Variants in DAB1 observed in about 807,000 individuals in gnomAD.
DAB1 encodes disabled homolog 1.
A neutral mutation model predicts 64.6 loss-of-function variants in DAB1; 15 were observed. The ratio of observed to expected loss-of-function variants is 0.23; its 90% CI spans 0.16 to 0.36. The LOEUF (loss-of-function observed/expected upper bound fraction) is 0.36, where lower values mean the gene tolerates loss of function less well. Ranked by LOEUF, DAB1 falls within the 10% of genes least tolerant of loss-of-function variation. The probability of loss-of-function intolerance (pLI) is 1.00; values close to 1 mark genes in which losing one functional copy is unlikely to be tolerated. For missense variants in DAB1, 596 were observed against 706.7 expected, an observed-to-expected ratio of 0.84 and a Z score of 1.78; for synonymous variants, 235 against 251.9, an observed-to-expected ratio of 0.93 and a Z score of 0.64.
At chr1:58,279,673 C>T (rs1016549145) in intron 4 of DAB1, among the ~76,000 whole-genome samples, 1 of 152,136 alleles carries the variant, frequency 6.6e-6, no homozygotes, top group Non-Finnish European at 1.5e-5. Flanking sequence ...AGGGAAACCT[C>T]AAAGGCCTAT....
At chr1:57,972,286 A>T (rs988195752) in intron 5 of DAB1, among the ~76,000 whole-genome samples, 6 of 152,126 alleles carry the variant, frequency 3.9e-5, no homozygotes, top group African/African-American at 1.4e-4. Flanking sequence ...GTCCAGGCTG[A>T]AGTGTAGTTG....
chr1:57,354,601 G>A (rs753684496), intron 1 of DAB1, among the ~76,000 whole-genome samples: 29 of 152,132 alleles, frequency 1.9e-4, no homozygotes, highest in Middle Eastern at 6.8e-3. Flanking sequence ...TCTAAACAGT[G>A]GCAGCAAACA....
rs148787094 is a variant in DAB1, at chr1:58,053,786, G to C, written n.387+96725C>G. On this transcript the variant is annotated intron_variant and non_coding_transcript_variant, in intron 5 of 20. Transcript: ENST00000485760. ...TAGTTATGGCAGAGAACCCCAATCT[G>C]TATACTTACATTTAAATAACTCTGT... 4.5e-3 allele frequency among the ~76,000 whole-genome samples: 679 copies of C among 152,240 alleles called. 7 individuals are homozygous for C. Among genetic ancestry groups the C allele is most frequent in the African/African-American group, 0.015 (636 of 41,548 alleles).
chr1:57,781,086 TTCTCTCTCTCTC>T (rs1180662610), intron 6 of DAB1, among the ~76,000 whole-genome samples: 103 of 42,060 alleles, frequency 2.4e-3, no homozygotes, highest in Non-Finnish European at 3.8e-3. Context: ...TTTGAGATCA[TTCTCTCTCTCTC>T]TCTCTCTCTC....
rs11808384 is a variant in DAB1 at position 58,528,614 on chromosome 1, T to A, written n.33-1279A>T. Among the ~76,000 whole-genome samples the A allele has an allele frequency of 6.9e-3, 1,051 of 152,284 alleles. 11 individuals carry two copies. The highest frequency in any genetic ancestry group is 0.024 in the African/African-American group (1,000 of 41,556). The stretch of plus-strand genomic sequence containing the variant: ...GGGTCAGAAATGCTACTAAACATCC[T>A]ACAGTGCACAGGACAACTCCCCCAC... On this transcript the variant is annotated intron_variant and non_coding_transcript_variant, in intron 1 of 20. Coordinates refer to the DAB1 transcript ENST00000485760.
intron 2 of DAB1, among the ~76,000 whole-genome samples, chr1:57,248,359 A>G (rs1001825392): frequency 3.9e-5 from 6 of 152,142 alleles, no homozygotes; most frequent in Non-Finnish European, 7.4e-5. Flanking sequence ...GTACATTTTT[A>G]TGACAGTGGC....
intron 7 of DAB1, among the ~76,000 whole-genome samples, chr1:57,493,320 A>G (rs1025955233): frequency 1.3e-5 from 2 of 151,948 alleles, no homozygotes; most frequent in Admixed American, 6.6e-5. Context: ...CCTGGTACCA[A>G]CCATTCTACT....
intron 2 of DAB1, among the ~76,000 whole-genome samples, chr1:57,289,714 C>T (rs971148476): frequency 1.3e-5 from 2 of 152,024 alleles, no homozygotes; most frequent in African/African-American, 4.8e-5. Flanking sequence ...AAATCACTGC[C>T]TATACAAAGA....
intron 6 of DAB1, among the ~76,000 whole-genome samples, chr1:57,804,865 C>T (rs556362258): frequency 6.6e-6 from 1 of 152,252 alleles, no homozygotes; most frequent in South Asian, 2.1e-4. Flanking sequence ...CCCGAGGAAA[C>T]TTTATTTGCT....
chr1:57,419,485 T>C (rs1204901514), intron 1 of DAB1, among the ~76,000 whole-genome samples: 1 of 144,786 alleles, frequency 6.9e-6, no homozygotes, highest in East Asian at 1.9e-4. Flanking sequence ...TAAGGAAATA[T>C]TTCCAATTAA....
intron 5 of DAB1, among the ~76,000 whole-genome samples, chr1:58,121,010 T>C (rs1345295094): frequency 1.3e-5 from 2 of 152,140 alleles, no homozygotes; most frequent in Admixed American, 6.5e-5. Flanking sequence ...ATTAGGGACT[T>C]TGAAAAACAT....
At chr1:58,281,033 C>T (rs1379865660) in intron 4 of DAB1, among the ~76,000 whole-genome samples, 2 of 152,010 alleles carry the variant, frequency 1.3e-5, no homozygotes, top group Admixed American at 6.6e-5. Flanking sequence ...GTGAAATGGG[C>T]ACAGCTTGTG....
chr1:57,584,237 T>C (rs765882323), intron 7 of DAB1, among the ~76,000 whole-genome samples: 12 of 152,220 alleles, frequency 7.9e-5, no homozygotes, highest in Non-Finnish European at 2.9e-5. Flanking sequence ...CCCTTTTTTT[T>C]GTCTATAAAT....
At chr1:58,396,622 G>A (rs1469508582) in intron 3 of DAB1, among the ~76,000 whole-genome samples, 1 of 151,988 alleles carries the variant, frequency 6.6e-6, no homozygotes, top group African/African-American at 2.4e-5. Context: ...GACAAAGAGA[G>A]AAGCAGAGAG....
At chr1:58,355,191 AAC>A (rs1174594596) in intron 3 of DAB1, among the ~76,000 whole-genome samples, 1 of 152,184 alleles carries the variant, frequency 6.6e-6, no homozygotes, top group African/African-American at 2.4e-5. Context: ...GAGGGAAGCA[AAC>A]ACACAACTCA....
At chr1:58,034,259 C>T (rs1647012590) in intron 5 of DAB1, among the ~76,000 whole-genome samples, 1 of 152,212 alleles carries the variant, frequency 6.6e-6, no homozygotes, top group Admixed American at 6.5e-5. Flanking sequence ...CTGAGGGAAA[C>T]CTCTAGCCAA....
intron 5 of DAB1, among the ~76,000 whole-genome samples, chr1:58,095,520 T>G (rs111987646): frequency 7.0e-4 from 106 of 152,312 alleles, no homozygotes; most frequent in African/African-American, 2.3e-3. Context: ...CTTCCCATCA[T>G]TTGTTTCTGT....
chr1:57,129,389 C>A (rs1657446679), intron 4 of DAB1, among the ~76,000 whole-genome samples: 2 of 151,910 alleles, frequency 1.3e-5, no homozygotes, highest in Admixed American at 1.3e-4. Flanking sequence ...ACACAGAGAC[C>A]CAATTTTTCC....
At chr1:58,222,939 T>C (rs566827958) in intron 4 of DAB1, among the ~76,000 whole-genome samples, 23 of 152,310 alleles carry the variant, frequency 1.5e-4, no homozygotes, top group African/African-American at 4.8e-4. Context: ...TAAGGATGCA[T>C]TCAGCTCAGG....
Sources: allele counts gnomAD v4.1 joint callset (sites outside exome capture counted in the v4.1 genomes callset), GRCh38; gene constraint gnomAD v4.1.1; transcripts MANE v1.5; gene names NCBI Gene and HGNC (gene_info 2026-07-23, HGNC 2026-07-21).